STAU2: variants seen among roughly 807,000 people sequenced by gnomAD.
STAU2 encodes the protein double-stranded RNA-binding protein Staufen homolog 2.
STAU2 carries 20 observed loss-of-function variants against 65.9 expected under a neutral mutation model. The observed-to-expected ratio is 0.30, with a 90% CI of 0.21 to 0.44. The LOEUF (loss-of-function observed/expected upper bound fraction) is 0.44. STAU2 is among the 20% of genes least tolerant of loss of function. The pLI, the probability that STAU2 is intolerant of heterozygous loss-of-function variation, is 1.00. For synonymous variants in STAU2, 232 were observed against 233.9 expected (o/e 0.99, Z 0.07); for missense variants, 558 against 683.9 (o/e 0.82, Z 2.05).
intron 13 of STAU2, among the ~76,000 whole-genome samples, chr8:73,443,300 A>G (rs1224276840): frequency 3.3e-5 from 5 of 152,352 alleles, no homozygotes; most frequent in Admixed American, 6.5e-5. Context: ...TCGGAGGGAG[A>G]AGCGGTTTCT....
intron 3 of STAU2, among the ~76,000 whole-genome samples, chr8:73,727,642 C>A (rs1805743469): frequency 6.6e-6 from 1 of 152,196 alleles, no homozygotes; most frequent in African/African-American, 2.4e-5. Context: ...TTGTTTCCAC[C>A]ATTTAGCTAT....
rs369601426 is a variant in STAU2 at position 73,429,589 on chromosome 8, T to C, written c.1531-6887A>G. 2.9e-4 allele frequency among the ~76,000 whole-genome samples: 44 copies of C among 151,446 alleles called. No individual in the cohort carries two copies. The South Asian group carries it at 8.6e-3, about 30-fold the overall frequency. On this transcript the variant is annotated intron_variant, in intron 13 of 14. Coordinates refer to ENST00000524300, the MANE Select transcript of STAU2 (RefSeq NM_001164380.2). Reference sequence around the variant, plus strand: ...CTGGGACTACAGGCAGGCACCACCATACCTGGCTAAATTTTTTTTTTTATT... The same window carrying C: ...CTGGGACTACAGGCAGGCACCACCACACCTGGCTAAATTTTTTTTTTTATT...
At chr8:73,462,005 T>A (rs576394581) in intron 13 of STAU2, among the ~76,000 whole-genome samples, 4 of 152,222 alleles carry the variant, frequency 2.6e-5, no homozygotes, top group Admixed American at 2.6e-4. Context: ...TTTTCTCTTA[T>A]TATCCCCCAT....
At chr8:73,554,020 C>A (rs1807537489) in intron 12 of STAU2, among the ~76,000 whole-genome samples, 2 of 152,014 alleles carry the variant, frequency 1.3e-5, no homozygotes, top group African/African-American at 4.8e-5. Context: ...CACAAACTGG[C>A]CTCATACTGG....
chr8:73,625,503 A>C (rs1813569797), intron 6 of STAU2, among the ~76,000 whole-genome samples: 1 of 152,164 alleles, frequency 6.6e-6, no homozygotes, highest in Non-Finnish European at 1.5e-5. Flanking sequence ...GAATAGGCAA[A>C]CCCATAGAGA....
intron 13 of STAU2, among the ~76,000 whole-genome samples, chr8:73,496,023 TA>T (rs1821400601): frequency 6.6e-6 from 1 of 151,548 alleles, no homozygotes; most frequent in Non-Finnish European, 1.5e-5. Flanking sequence ...AAAATCAGAT[TA>T]TACAGATGTC....
intron 6 of STAU2, among the ~76,000 whole-genome samples, chr8:73,626,591 A>C (rs896100127): frequency 2.6e-5 from 4 of 152,196 alleles, no homozygotes; most frequent in Non-Finnish European, 5.9e-5. Flanking sequence ...AGGAGACTGA[A>C]CTGCTCAAGA....
intron 1 of STAU2, 133 bp downstream of exon 1, chr8:73,746,650 A>T (rs1807310967): frequency 2.5e-6 from 1 of 405,492 alleles, no homozygotes; most frequent in African/African-American, 2.1e-5. Context: ...GGGGGAGGGG[A>T]GGCCGCGAAG....
chr8:73,698,621 T>C (rs1819851581), intron 4 of STAU2, among the ~76,000 whole-genome samples: 1 of 152,130 alleles, frequency 6.6e-6, no homozygotes. Context: ...TGTAAATATA[T>C]ATGCAACCAA....
rs182717883 is a variant in STAU2 at position 73,472,261 on chromosome 8, C to T, written c.1531-49559G>A. Reference sequence around the variant, plus strand: ...TGGGTAACACCCAATCAAAATAGTGCCGCTAATGGACTAATGATGAGCATG... The same window carrying T: ...TGGGTAACACCCAATCAAAATAGTGTCGCTAATGGACTAATGATGAGCATG... On this transcript the variant is annotated intron_variant, in intron 13 of 14. Coordinates refer to ENST00000524300, the MANE Select transcript of STAU2 (RefSeq NM_001164380.2). Among the ~76,000 whole-genome samples, 3 of 152,210 alleles carry T rather than the reference C, an allele frequency of 2.0e-5. No homozygotes were observed. In the East Asian group the frequency reaches 5.8e-4, roughly 29 times the overall value.
At chr8:73,609,884 T>C (rs73330833) in intron 9 of STAU2, among the ~76,000 whole-genome samples, 25 of 152,338 alleles carry the variant, frequency 1.6e-4, no homozygotes, top group African/African-American at 5.8e-4. Flanking sequence ...ACTCAAAGAA[T>C]GTCTCTGAGT....
chr8:73,598,825 A>G (rs1444347047), intron 10 of STAU2, among the ~76,000 whole-genome samples: 1 of 152,192 alleles, frequency 6.6e-6, no homozygotes, highest in Non-Finnish European at 1.5e-5. Context: ...TAAGCTCAGT[A>G]TGAAAAAGAG....
At chr8:73,471,465 G>C (rs1260514100) in intron 13 of STAU2, among the ~76,000 whole-genome samples, 2 of 150,472 alleles carry the variant, frequency 1.3e-5, no homozygotes, top group Non-Finnish European at 3.0e-5. Flanking sequence ...TGGGATTACA[G>C]GCATGAACTA....
chr8:73,709,613 G>C (rs867210960), intron 3 of STAU2, among the ~76,000 whole-genome samples: 2 of 151,720 alleles, frequency 1.3e-5, no homozygotes, highest in Non-Finnish European at 2.9e-5. Flanking sequence ...TGGGAATCAG[G>C]TCCTAAGTTT....
At chr8:73,673,636 T>C (rs949930082) in intron 5 of STAU2, among the ~76,000 whole-genome samples, 2 of 152,196 alleles carry the variant, frequency 1.3e-5, no homozygotes, top group Non-Finnish European at 2.9e-5. Context: ...ATTTATACTT[T>C]GGTAATTAAA....
intron 5 of STAU2, among the ~76,000 whole-genome samples, chr8:73,681,926 T>C (rs1818461794): frequency 6.6e-6 from 1 of 152,056 alleles, no homozygotes; most frequent in African/African-American, 2.4e-5. Flanking sequence ...CAGGAAAATA[T>C]CACAATCCTA....
chr8:73,685,331 A>C (rs1294890196), intron 5 of STAU2, among the ~76,000 whole-genome samples: 7 of 152,164 alleles, frequency 4.6e-5, no homozygotes, highest in African/African-American at 1.7e-4. Context: ...TAAAAATAAA[A>C]AAATAAAGGA....
At chr8:73,666,346 C>T (rs188605902) in intron 6 of STAU2, among the ~76,000 whole-genome samples, 2 of 152,244 alleles carry the variant, frequency 1.3e-5, no homozygotes, top group Non-Finnish European at 2.9e-5. Context: ...TGATAATTAA[C>T]ATAATGCAAT....
intron 6 of STAU2, among the ~76,000 whole-genome samples, chr8:73,671,756 C>G (rs1393329188): frequency 6.6e-6 from 1 of 152,194 alleles, no homozygotes; most frequent in African/African-American, 2.4e-5. Flanking sequence ...GGCACAGGGG[C>G]TAACGCCTGT....
Sources: allele counts gnomAD v4.1 joint callset (sites outside exome capture counted in the v4.1 genomes callset), GRCh38; gene constraint gnomAD v4.1.1; transcripts MANE v1.5; gene names NCBI Gene and HGNC (gene_info 2026-07-23, HGNC 2026-07-21).